The following RUNX1 variants were observed in gnomAD, a reference collection of about 807,000 sequenced individuals.
The protein encoded by RUNX1 is runt-related transcription factor 1.
RUNX1 carries 19 observed loss-of-function variants against 42.8 expected under a neutral mutation model. That is an observed-to-expected ratio of 0.44 (90% CI 0.31 to 0.65). The LOEUF (loss-of-function observed/expected upper bound fraction) is 0.65, where lower values mean the gene tolerates loss of function less well. Ranked by LOEUF, RUNX1 falls within the 30% of genes least tolerant of loss-of-function variation. RUNX1 has a pLI of 0.07. For synonymous variants in RUNX1, 271 were observed against 289.4 expected (o/e 0.94, Z 0.64); for missense variants, 528 against 672.0 (o/e 0.79, Z 2.37).
intron 2 of RUNX1, among the ~76,000 whole-genome samples, chr21:34,896,088 G>C (rs540688347): frequency 6.6e-6 from 1 of 152,084 alleles, no homozygotes; most frequent in Admixed American, 6.5e-5. Context: ...GAGAGACATC[G>C]TGATGTCTCT....
Position 34,863,112 on chromosome 21 carries a change from G to A in RUNX1, c.509-3534C>T, listed in dbSNP as rs181978345. Among the ~76,000 whole-genome samples the A allele has an allele frequency of 5.3e-5, 8 of 152,138 alleles. No individual in the cohort carries two copies. The East Asian group carries it at 1.2e-3, about 22-fold the overall frequency. ...GGATTTTATTGTTCTTGATGAATAG[G>A]TAGCAAAGCTAAGGCCCAGAAAGGT... On this transcript the variant is annotated intron_variant, in intron 5 of 8. Coordinates refer to ENST00000675419, the MANE Select transcript of RUNX1 (RefSeq NM_001754.5).
chr21:35,040,728 G>A (rs2059351279), intron 2 of RUNX1, among the ~76,000 whole-genome samples: 1 of 146,958 alleles, frequency 6.8e-6, no homozygotes, highest in Admixed American at 7.0e-5. Flanking sequence ...CTGAGATGGG[G>A]CCACTGCACT....
chr21:34,989,626 T>C lies in RUNX1; in HGVS notation c.58+59216A>G, dbSNP rs78303920. On this transcript the variant is annotated intron_variant, in intron 2 of 8. Coordinates refer to ENST00000675419, the MANE Select transcript of RUNX1 (RefSeq NM_001754.5). ...GCTCTGAGGATGATTCTTTCTCTTTTGATACATCAAATCCACCCAAAGCAG... is the reference window on the plus strand; with the variant it reads ...GCTCTGAGGATGATTCTTTCTCTTTCGATACATCAAATCCACCCAAAGCAG... Among the ~76,000 whole-genome samples, 412 of 152,238 alleles carry C rather than the reference T, an allele frequency of 2.7e-3. 11 individuals are homozygous for C. Among genetic ancestry groups the C allele is most frequent in the Admixed American group, 0.021 (328 of 15,296 alleles).
chr21:34,989,334 C>G (rs548366607), intron 2 of RUNX1, among the ~76,000 whole-genome samples: 1 of 151,924 alleles, frequency 6.6e-6, no homozygotes, highest in East Asian at 1.9e-4. Context: ...CTGATCTTTG[C>G]CATTCTCTAC....
rs73203037 is a variant in RUNX1, at chr21:34,996,426, C to G, written c.58+52416G>C. ...GGGAGATCTATCAGAAGAGAGCAGG[C>G]TGCAGGGACGTCCTCCTGGGTTCCT... is the stretch of plus-strand genomic sequence containing the variant. On this transcript the variant is annotated intron_variant, in intron 2 of 8. Coordinates refer to ENST00000675419, the MANE Select transcript of RUNX1 (RefSeq NM_001754.5). Among the ~76,000 whole-genome samples, 540 of 152,170 alleles carry G rather than the reference C, an allele frequency of 3.5e-3. 4 individuals are homozygous for G. The highest frequency in any genetic ancestry group is 6.0e-3 in the Non-Finnish European group (406 of 67,998).
chr21:34,948,025 C>T (rs1003600507), intron 2 of RUNX1, among the ~76,000 whole-genome samples: 1 of 151,928 alleles, frequency 6.6e-6, no homozygotes, highest in Non-Finnish European at 1.5e-5. Context: ...GCTGCTGTTT[C>T]ATCTCTCTCC....
At chr21:34,828,952 G>A (rs2057027372) in intron 7 of RUNX1, among the ~76,000 whole-genome samples, 1 of 152,154 alleles carries the variant, frequency 6.6e-6, no homozygotes, top group Admixed American at 6.5e-5. Context: ...GATCATAACA[G>A]CTAACAGTTT....
intron 7 of RUNX1, among the ~76,000 whole-genome samples, chr21:34,830,391 G>C (rs1485273651): frequency 6.6e-6 from 1 of 152,172 alleles, no homozygotes; most frequent in Non-Finnish European, 1.5e-5. Flanking sequence ...TACCAAAGGA[G>C]ACAGTTTATT....
chr21:34,939,058 A>G (rs1280509192), intron 2 of RUNX1, among the ~76,000 whole-genome samples: 1 of 152,240 alleles, frequency 6.6e-6, no homozygotes, highest in Admixed American at 6.5e-5. Context: ...TAAATAAATC[A>G]GATGACTAGT....
In RUNX1 at chr21:35,048,967, C is replaced by A. The variant is rs1250615209; in HGVS notation, c.-59-9G>T. 2.1e-6 allele frequency: 3 copies of A among 1,397,788 alleles called. No individual in the cohort carries two copies. In the South Asian group the frequency reaches 3.5e-5, roughly 16 times the overall value. 86.6% of individuals were successfully genotyped at this position (1,397,788 alleles called of 1,614,324 possible). ...TCAATGATTTCTTTTACCTTCGGAG[C>A]GAAAACCAAGACAGGTCACTGTTTC... is the stretch of plus-strand genomic sequence containing the variant. On this transcript the variant is annotated splice_polypyrimidine_tract_variant and intron_variant, in intron 1 of 8. Transcript: ENST00000675419.
intron 2 of RUNX1, among the ~76,000 whole-genome samples, chr21:35,000,213 C>T (rs1448136324): frequency 6.8e-6 from 1 of 147,960 alleles, no homozygotes; most frequent in South Asian, 2.2e-4. Flanking sequence ...AGAGGGAAGA[C>T]GATCATATAA....
chr21:35,047,223 CT>C (rs967667347), intron 2 of RUNX1, among the ~76,000 whole-genome samples: 6 of 151,936 alleles, frequency 3.9e-5, no homozygotes, highest in South Asian at 2.1e-4. Flanking sequence ...CCAGGAAGAT[CT>C]TTTTTTTCTG....
chr21:34,952,019 C>A (rs796999721), intron 2 of RUNX1, among the ~76,000 whole-genome samples: 1 of 152,130 alleles, frequency 6.6e-6, no homozygotes, highest in Non-Finnish European at 1.5e-5. Context: ...AAATGTGGCA[C>A]ATACACACCA....
intron 5 of RUNX1, among the ~76,000 whole-genome samples, chr21:34,862,218 C>G (rs1331371189): frequency 6.6e-6 from 1 of 152,114 alleles, no homozygotes; most frequent in Non-Finnish European, 1.5e-5. Flanking sequence ...TCAGTTTCCT[C>G]ATCAGCAAAA....
At chr21:34,992,016 C>T (rs952515575) in intron 2 of RUNX1, among the ~76,000 whole-genome samples, 3 of 152,198 alleles carry the variant, frequency 2.0e-5, no homozygotes, top group African/African-American at 7.2e-5. Context: ...GGAGCAAGGG[C>T]CTGCCAACAC....
chr21:34,892,162 ATG>A (rs1221298412), intron 3 of RUNX1, among the ~76,000 whole-genome samples: 3 of 152,250 alleles, frequency 2.0e-5, no homozygotes, highest in African/African-American at 7.2e-5. Context: ...AAAAAATAGA[ATG>A]TATCTTGCTA....
At chr21:35,011,492 C>T (rs2059126372) in intron 2 of RUNX1, among the ~76,000 whole-genome samples, 1 of 152,190 alleles carries the variant, frequency 6.6e-6, no homozygotes, top group African/African-American at 2.4e-5. Flanking sequence ...CAGGTGGATC[C>T]CTCCGTGGGT....
intron 2 of RUNX1, among the ~76,000 whole-genome samples, chr21:34,992,262 G>C (rs2058950124): frequency 6.6e-6 from 1 of 152,112 alleles, no homozygotes; most frequent in Admixed American, 6.5e-5. Context: ...TGTAGTGGGG[G>C]ACTCCCAGAT....
intron 2 of RUNX1, among the ~76,000 whole-genome samples, chr21:34,916,340 G>A (rs1048931915): frequency 6.6e-6 from 1 of 152,152 alleles, no homozygotes; most frequent in South Asian, 2.1e-4. Flanking sequence ...CATGTTCAAC[G>A]AACATAATAT....
Sources: allele counts gnomAD v4.1 joint callset (sites outside exome capture counted in the v4.1 genomes callset), GRCh38; gene constraint gnomAD v4.1.1; transcripts MANE v1.5; gene names NCBI Gene and HGNC (gene_info 2026-07-23, HGNC 2026-07-21).